Variants in TMEM132B observed in about 807,000 individuals in gnomAD.
TMEM132B encodes transmembrane protein 132B.
Under a neutral mutation model 90.8 loss-of-function variants are expected in TMEM132B, and 18 were observed. That is an observed-to-expected ratio of 0.20 (90% CI 0.14 to 0.29). TMEM132B has a LOEUF of 0.29. TMEM132B is among the 10% of genes least tolerant of loss of function. The pLI is 1.00. For missense variants in TMEM132B, 1,096 were observed against 1,326.8 expected, an observed-to-expected ratio of 0.83 and a Z score of 2.70; for synonymous variants, 504 against 523.3, an observed-to-expected ratio of 0.96 and a Z score of 0.50.
chr12:125,532,023 T>C (rs1179060664), intron 4 of TMEM132B, among the ~76,000 whole-genome samples: 2 of 152,234 alleles, frequency 1.3e-5, no homozygotes, highest in East Asian at 1.9e-4. Context: ...TTAGCTGTTA[T>C]GCCGTTTCCT....
rs573494972 is a variant in TMEM132B at position 125,656,750 on chromosome 12, G to A, written c.*2040G>A. 1 of 149,798 alleles carries A rather than the reference G, an allele frequency of 6.7e-6. No homozygotes were observed. The highest frequency in any genetic ancestry group is 1.5e-5 in the Non-Finnish European group (1 of 66,712). 9.3% of individuals were successfully genotyped at this position (149,798 alleles called of 1,614,324 possible). ...AGGTAGCTCAGAGCCAACCATCCAGGACCGAAGAAAGCTCATGTGCTGATT... is the reference window on the plus strand; with the variant it reads ...AGGTAGCTCAGAGCCAACCATCCAGAACCGAAGAAAGCTCATGTGCTGATT... On this transcript the variant is annotated 3_prime_UTR_variant, in exon 9 of 9. Transcript: ENST00000682704.
Position 125,661,918 on chromosome 12 carries a change from T to C in TMEM132B, c.*7208T>C, listed in dbSNP as rs1374982914. ...CAATACTGCTCATGTTTAATGTGTG[T>C]CTACAGGGCATGCTGTTGTCTCAAA... On this transcript the variant is annotated 3_prime_UTR_variant, in exon 9 of 9. Coordinates refer to ENST00000682704, the MANE Select transcript of TMEM132B (RefSeq NM_001366854.1). 3 of 152,244 alleles carry C rather than the reference T, an allele frequency of 2.0e-5. No individual in the cohort carries two copies. Among genetic ancestry groups the C allele is most frequent in the Non-Finnish European group, 4.4e-5 (3 of 68,054 alleles). The allele number at this position is 152,244 out of a possible 1,614,324, so 9.4% of individuals were successfully genotyped here.
chr12:125,610,681 G>A (rs1885803789), intron 5 of TMEM132B, among the ~76,000 whole-genome samples: 1 of 148,492 alleles, frequency 6.7e-6, no homozygotes, highest in Non-Finnish European at 1.5e-5. Context: ...ACCATTGTTG[G>A]TTTTATTATA....
intron 6 of TMEM132B, among the ~76,000 whole-genome samples, chr12:125,646,122 G>C (rs927057817): frequency 6.6e-6 from 1 of 152,192 alleles, no homozygotes; most frequent in East Asian, 1.9e-4. Flanking sequence ...GAGGGTTCAG[G>C]GGGAGGTGAG....
At chr12:125,546,284 G>A (rs1039114959) in intron 4 of TMEM132B, among the ~76,000 whole-genome samples, 1 of 151,982 alleles carries the variant, frequency 6.6e-6, no homozygotes, top group Non-Finnish European at 1.5e-5. Flanking sequence ...CTGGGTTCAT[G>A]CCATTCTCCT....
intron 1 of TMEM132B, among the ~76,000 whole-genome samples, chr12:125,208,487 T>C (rs1873235397): frequency 6.6e-6 from 1 of 152,208 alleles, no homozygotes; most frequent in Admixed American, 6.5e-5. Context: ...ACCCATCTGC[T>C]TTGTGTCTCT....
intron 2 of TMEM132B, among the ~76,000 whole-genome samples, chr12:125,369,310 T>C (rs1160796603): frequency 6.6e-6 from 1 of 152,218 alleles, no homozygotes; most frequent in African/African-American, 2.4e-5. Context: ...TTTCCTATTG[T>C]GAATAGTGCT....
At chr12:125,433,061 TTA>T (rs1261363579) in intron 3 of TMEM132B, among the ~76,000 whole-genome samples, 1 of 152,182 alleles carries the variant, frequency 6.6e-6, no homozygotes, top group Admixed American at 6.5e-5. Flanking sequence ...AGCAGACACT[TTA>T]TGTCTTCTAA....
At chr12:125,577,967 T>C (rs546702172) in intron 4 of TMEM132B, among the ~76,000 whole-genome samples, 26 of 152,292 alleles carry the variant, frequency 1.7e-4, no homozygotes, top group African/African-American at 6.0e-4. Flanking sequence ...GGTAATTTAC[T>C]TTGTACAATT....
At chr12:125,297,699 G>T (rs920438297) in intron 1 of TMEM132B, among the ~76,000 whole-genome samples, 12 of 152,224 alleles carry the variant, frequency 7.9e-5, no homozygotes, top group African/African-American at 2.9e-4. Context: ...TGGCCAAGCA[G>T]ACTGCTGGTG....
intron 4 of TMEM132B, among the ~76,000 whole-genome samples, chr12:125,536,170 G>A (rs950867367): frequency 6.6e-6 from 1 of 152,206 alleles, no homozygotes; most frequent in Admixed American, 6.5e-5. Flanking sequence ...TCTGCAAGGT[G>A]TGGCTGAATC....
chr12:125,502,517 C>T (rs1398025013), intron 3 of TMEM132B, among the ~76,000 whole-genome samples: 2 of 152,160 alleles, frequency 1.3e-5, no homozygotes, highest in African/African-American at 4.8e-5. Context: ...AAGGGAGATA[C>T]AAAATGGGTT....
intron 1 of TMEM132B, among the ~76,000 whole-genome samples, chr12:125,332,874 G>A (rs1303076479): frequency 6.6e-6 from 1 of 151,562 alleles, no homozygotes; most frequent in Non-Finnish European, 1.5e-5. Context: ...CCAAAAACAA[G>A]AAAGAGAACA....
intron 1 of TMEM132B, among the ~76,000 whole-genome samples, chr12:125,231,942 A>C (rs948013095): frequency 1.3e-5 from 2 of 151,946 alleles, no homozygotes; most frequent in Non-Finnish European, 2.9e-5. Context: ...CCATAATTCT[A>C]GAAAAATATA....
chr12:125,460,305 A>ACTGGTCT lies in TMEM132B; in HGVS notation c.1106+44629_1106+44630insTGGTCTC, dbSNP rs1881403259. ...CAGGAGTTTGAGACCAGCCTGCCCA[A>ACTGGTCT]CATGGTGAAACCCCATCTCTACTGA... On this transcript the variant is annotated intron_variant, in intron 3 of 8. Coordinates refer to ENST00000682704, the MANE Select transcript of TMEM132B (RefSeq NM_001366854.1). This position sits in a 1 kb window ranked among gnomAD's most constrained non-coding sequence, Gnocchi z 4.4. 6.6e-6 allele frequency among the ~76,000 whole-genome samples: 1 copy of ACTGGTCT among 152,148 alleles called. No individual in the cohort carries two copies. The highest frequency in any genetic ancestry group is 6.5e-5 in the Admixed American group (1 of 15,282).
chr12:125,215,086 A>G (rs939784570), intron 1 of TMEM132B, among the ~76,000 whole-genome samples: 1 of 151,926 alleles, frequency 6.6e-6, no homozygotes, highest in Non-Finnish European at 1.5e-5. Context: ...TTGGTGCTAC[A>G]CCTACCCTGC....
rs1276182227 is a variant in TMEM132B, at chr12:125,298,678, A to AG, written c.68-50774_68-50773insG. Among the ~76,000 whole-genome samples, 110 of 147,940 alleles carry AG rather than the reference A, an allele frequency of 7.4e-4. 1 individual carries two copies. Among genetic ancestry groups the AG allele is most frequent in the African/African-American group, 2.5e-3 (102 of 40,084 alleles). On this transcript the variant is annotated intron_variant, in intron 1 of 8. Transcript: ENST00000682704. ...GACAGAGTGAGACTCTGTCTCAAAAAAAAAAAAAAAAGTGTTACATCTACT... is the reference window on the plus strand; with the variant it reads ...GACAGAGTGAGACTCTGTCTCAAAAAGAAAAAAAAAAAGTGTTACATCTACT...
At chr12:125,575,802 A>G (rs1220414437) in intron 4 of TMEM132B, among the ~76,000 whole-genome samples, 1 of 152,078 alleles carries the variant, frequency 6.6e-6, no homozygotes, top group African/African-American at 2.4e-5. Context: ...TCCCAGCATC[A>G]TTTGTTGAAA....
At chr12:125,227,310 C>T (rs1355010764) in intron 1 of TMEM132B, among the ~76,000 whole-genome samples, 1 of 152,172 alleles carries the variant, frequency 6.6e-6, no homozygotes, top group East Asian at 1.9e-4. Flanking sequence ...TCATTTAATC[C>T]TCACAAAACC....
Sources: gnomAD v4.1 joint callset for allele counts (sites outside exome capture counted in the v4.1 genomes callset) on GRCh38, gnomAD v4.1.1 for gene constraint, Gnocchi (gnomAD v3.1) non-coding constraint, MANE v1.5 for transcripts, NCBI Gene and HGNC (gene_info 2026-07-23, HGNC 2026-07-21) for gene names.